Variants in CCL24 observed in about 807,000 individuals in gnomAD.
CCL24 encodes C-C motif chemokine 24.
Under a neutral mutation model 8.6 loss-of-function variants are expected in CCL24, and 6 were observed. The observed-to-expected ratio is 0.70, with a 90% CI of 0.38 to 1.38. CCL24 has a LOEUF of 1.38. CCL24 is among the 40% of genes most tolerant of loss of function. CCL24 has a pLI of 0.02. For synonymous variants in CCL24, 59 were observed against 52.7 expected (o/e 1.12, Z -0.52); for missense variants, 126 against 147.1 (o/e 0.86, Z 0.74).
At chr7:75,819,059 G>A (rs888279731) in intron 1 of CCL24, among the ~76,000 whole-genome samples, 7 of 147,802 alleles carry the variant, frequency 4.7e-5, no homozygotes, top group East Asian at 2.0e-4. Context: ...ACCTGAGGTC[G>A]GGAGTTTGGG....
At chr7:75,822,177 C>T (rs1469683047) in intron 1 of CCL24, among the ~76,000 whole-genome samples, 2 of 152,038 alleles carry the variant, frequency 1.3e-5, no homozygotes, top group African/African-American at 4.8e-5. Flanking sequence ...TGGCTGGGAA[C>T]TGGAAGCCCA....
At chr7:75,812,171 A>G (rs1456270239) in intron 2 of CCL24, among the ~76,000 whole-genome samples, 1 of 151,796 alleles carries the variant, frequency 6.6e-6, no homozygotes, top group East Asian at 1.9e-4. Flanking sequence ...TGCAGCCTCA[A>G]ATTCCCAGGC....
chr7:75,813,514 A>T (rs782651641), intron 1 of CCL24, 91 bp from the exon 2 acceptor site: 259 of 1,248,534 alleles, frequency 2.1e-4, no homozygotes, highest in Non-Finnish European at 3.0e-4. Flanking sequence ...TGCACCAAAC[A>T]CCGCCAGTCC....
rs1563349645 is a variant in CCL24 at position 75,811,560 on chromosome 7, C to T, written c.*236G>A. On this transcript the variant is annotated 3_prime_UTR_variant, in exon 3 of 3. Transcript: ENST00000222902. Reference sequence around the variant, plus strand: ...GTTGCCACTGCTCTCCTTCTGGGATCTTCTCACCCAGCTCCAGAAAGGCAA... The same window carrying T: ...GTTGCCACTGCTCTCCTTCTGGGATTTTCTCACCCAGCTCCAGAAAGGCAA... 3 of 421,102 alleles carry T rather than the reference C, an allele frequency of 7.1e-6. No homozygotes were observed. The allele number at this position is 421,102 out of a possible 1,614,324, so 26.1% of individuals were successfully genotyped here. A position where few individuals can be genotyped will look rare whatever the true frequency, so the allele number is the denominator to read the frequency against.
At chr7:75,820,155 CTCCTTCTCCTTCTCCTT>C in intron 1 of CCL24, among the ~76,000 whole-genome samples, 2 of 35,530 alleles carry the variant, frequency 5.6e-5, no homozygotes, top group Middle Eastern at 0.028. Flanking sequence ...CCTCCTCCTT[CTCCTTCTCCTTCTCCTT>C]CTCCTTCTCC....
chr7:75,822,057 G>A (rs922620991), intron 1 of CCL24, among the ~76,000 whole-genome samples: 12 of 151,780 alleles, frequency 7.9e-5, no homozygotes, highest in South Asian at 2.1e-4. Context: ...AGCCAAGATC[G>A]CACCATTGCA....
intron 1 of CCL24, among the ~76,000 whole-genome samples, chr7:75,822,491 C>T (rs1804070681): frequency 6.6e-6 from 1 of 152,148 alleles, no homozygotes; most frequent in Non-Finnish European, 1.5e-5. Context: ...CTACATGGCT[C>T]CTCTGAACTC....
intron 1 of CCL24, among the ~76,000 whole-genome samples, chr7:75,822,828 C>T (rs1804077045): frequency 6.6e-6 from 1 of 151,752 alleles, no homozygotes; most frequent in African/African-American, 2.4e-5. Context: ...GACTCAATCT[C>T]CAAAAAGAAA....
chr7:75,820,107 CTTCT>C (rs781804542), intron 1 of CCL24, among the ~76,000 whole-genome samples: 1 of 30,116 alleles, frequency 3.3e-5, no homozygotes, highest in Non-Finnish European at 8.0e-5. Flanking sequence ...CTTCTTCTTC[CTTCT>C]TCTTCTTCTT....
upstream of CCL24, among the ~76,000 whole-genome samples, chr7:75,818,722 C>T (rs1803948855): frequency 6.6e-6 from 1 of 151,686 alleles, no homozygotes; most frequent in Non-Finnish European, 1.5e-5. Flanking sequence ...TGGGAGGTGA[C>T]CCACAGCAGT....
At chr7:75,818,228 G>A (rs1232867320), upstream of CCL24, among the ~76,000 whole-genome samples, 1 of 152,090 alleles carries the variant, frequency 6.6e-6, no homozygotes, top group African/African-American at 2.4e-5. Flanking sequence ...GCAAGGATAA[G>A]TGAGCAGACA....
At chr7:75,821,515 G>A (rs571343297) in intron 1 of CCL24, among the ~76,000 whole-genome samples, 7 of 152,310 alleles carry the variant, frequency 4.6e-5, no homozygotes, top group Admixed American at 1.3e-4. Context: ...TCAAACTTGA[G>A]TGCATGTGTT....
At chr7:75,817,749 C>T (rs1214452260), upstream of CCL24, among the ~76,000 whole-genome samples, 1 of 151,960 alleles carries the variant, frequency 6.6e-6, no homozygotes, top group East Asian at 1.9e-4. Context: ...GTGTTTTACC[C>T]ACCTCGGCCT....
At chr7:75,817,120 C>A (rs1554534251), upstream of CCL24, among the ~76,000 whole-genome samples, 1 of 152,150 alleles carries the variant, frequency 6.6e-6, no homozygotes, top group African/African-American at 2.4e-5. Context: ...CCCACCTCGA[C>A]CTCCCAAAGC....
intron 2 of CCL24, among the ~76,000 whole-genome samples, chr7:75,812,904 T>C (rs1222560205): frequency 6.6e-6 from 1 of 151,004 alleles, no homozygotes; most frequent in Non-Finnish European, 1.5e-5. Context: ...CACTCCAGCT[T>C]GGGTGATAGA....
At position 75,811,705 on chromosome 7, in the gene CCL24, C is replaced by T. The variant is rs1803763921; in HGVS notation, c.*91G>A. On this transcript the variant is annotated 3_prime_UTR_variant, in exon 3 of 3. Transcript: ENST00000222902. ...TGTTGCTAAGAAACAGGAAAATTAG[C>T]TCTTCCCCCCATCACTGTGGCTTCT... 1 of 1,161,430 alleles carries T rather than the reference C, an allele frequency of 8.6e-7. No homozygotes were observed. The highest frequency in any genetic ancestry group is 1.5e-5 in the African/African-American group (1 of 65,062). 71.9% of individuals were successfully genotyped at this position (1,161,430 alleles called of 1,614,324 possible).
upstream of CCL24, among the ~76,000 whole-genome samples, chr7:75,815,440 A>C (rs1182947699): frequency 1.3e-5 from 2 of 152,006 alleles, no homozygotes; most frequent in African/African-American, 4.8e-5. Flanking sequence ...CCAGGAGTTC[A>C]AGACCAGCCT....
intron 2 of CCL24, among the ~76,000 whole-genome samples, chr7:75,812,830 T>G (rs1289753108): frequency 5.9e-5 from 9 of 152,056 alleles, no homozygotes; most frequent in Non-Finnish European, 1.2e-4. Flanking sequence ...CTCGGGAGGC[T>G]GAGGCATGAG....
intron 1 of CCL24, among the ~76,000 whole-genome samples, chr7:75,820,668 T>TCATC (rs1386001043): frequency 8.3e-6 from 1 of 120,072 alleles, no homozygotes; most frequent in African/African-American, 3.2e-5. Flanking sequence ...CATCTATCCA[T>TCATC]CATCCATCCA....
Sources: gnomAD v4.1 joint callset for allele counts (sites outside exome capture counted in the v4.1 genomes callset) on GRCh38, gnomAD v4.1.1 for gene constraint, MANE v1.5 for transcripts, NCBI Gene and HGNC (gene_info 2026-07-23, HGNC 2026-07-21) for gene names.